The following SORCS2 variants were observed in gnomAD, a reference collection of about 807,000 sequenced individuals.
SORCS2 encodes the protein VPS10 domain-containing receptor SorCS2.
Under a neutral mutation model 141.6 loss-of-function variants are expected in SORCS2, and 100 were observed. The observed-to-expected ratio is 0.71, with a 90% confidence interval of 0.60 to 0.83. The LOEUF (loss-of-function observed/expected upper bound fraction) is 0.83, where lower values mean the gene tolerates loss of function less well. SORCS2 is among the 40% of genes least tolerant of loss of function. The probability of loss-of-function intolerance (pLI) is 0.00; values close to 1 mark genes in which losing one functional copy is unlikely to be tolerated. For missense variants in SORCS2, 1,646 were observed against 1,560.2 expected (o/e 1.05, Z -0.93); for synonymous variants, 789 against 676.9 (o/e 1.17, Z -2.57).
chr4:7,403,854 G>C (rs946950963), intron 2 of SORCS2, among the ~76,000 whole-genome samples: 10 of 148,750 alleles, frequency 6.7e-5, no homozygotes, highest in African/African-American at 2.2e-4. Flanking sequence ...TTCATCACCC[G>C]AATAATGTAC....
intron 1 of SORCS2, among the ~76,000 whole-genome samples, chr4:7,361,181 G>T (rs1721557549): frequency 6.6e-6 from 1 of 152,218 alleles, no homozygotes; most frequent in Non-Finnish European, 1.5e-5. Context: ...TAATTTGGAG[G>T]TAACTTCGTT....
intron 9 of SORCS2, among the ~76,000 whole-genome samples, chr4:7,677,015 T>C (rs1162562248): frequency 2.0e-5 from 3 of 148,620 alleles, no homozygotes; most frequent in Non-Finnish European, 4.5e-5. Context: ...TGTGTGAAGT[T>C]GGCCTCTCTC....
chr4:7,559,088 T>C (rs984844580), intron 3 of SORCS2, among the ~76,000 whole-genome samples: 2 of 152,204 alleles, frequency 1.3e-5, no homozygotes, highest in Admixed American at 6.5e-5. Context: ...CCCAGTACTC[T>C]GGCCCAGCCC....
chr4:7,199,657 C>T (rs371508636), intron 1 of SORCS2, among the ~76,000 whole-genome samples: 15 of 151,192 alleles, frequency 9.9e-5, no homozygotes, highest in East Asian at 9.7e-4. Flanking sequence ...TGCGTAGACC[C>T]GCTTCCCTGG....
chr4:7,565,138 A>G (rs572765327), intron 3 of SORCS2, among the ~76,000 whole-genome samples: 2 of 152,306 alleles, frequency 1.3e-5, no homozygotes, highest in Admixed American at 1.3e-4. Flanking sequence ...CCACTCGCTC[A>G]GGCTGCGTTT....
chr4:7,616,800 A>G (rs1718792304), intron 3 of SORCS2, among the ~76,000 whole-genome samples: 1 of 152,270 alleles, frequency 6.6e-6, no homozygotes, highest in South Asian at 2.1e-4. Flanking sequence ...CCATTTAATT[A>G]CTTGGTTTTA....
intron 2 of SORCS2, among the ~76,000 whole-genome samples, chr4:7,403,452 G>T (rs1724725162): frequency 6.6e-6 from 1 of 152,228 alleles, no homozygotes; most frequent in South Asian, 2.1e-4. Flanking sequence ...CCATGGTCAG[G>T]TTCAACCTCA....
At chr4:7,445,645 G>A (rs1256916837) in intron 2 of SORCS2, among the ~76,000 whole-genome samples, 1 of 152,170 alleles carries the variant, frequency 6.6e-6, no homozygotes, top group African/African-American at 2.4e-5. Flanking sequence ...AGGGAGGCCA[G>A]AGGAGGAGGC....
rs545089241 is a variant in SORCS2, at chr4:7,455,276, T to A, written c.548+58921T>A. ...TGGGGTCAGGCACTGTGTGTTGGGG[T>A]CAGGTGCTGTGTGTTGGGGTCAGGC... is the stretch of plus-strand genomic sequence containing the variant. On this transcript the variant is annotated intron_variant, in intron 2 of 26. Coordinates refer to ENST00000507866, the MANE Select transcript of SORCS2 (RefSeq NM_020777.3). Among the ~76,000 whole-genome samples the A allele has an allele frequency of 1.9e-3, 79 of 41,760 alleles. 6 individuals carry two copies. Among genetic ancestry groups the A allele is most frequent in the African/African-American group, 8.7e-3 (70 of 8,068 alleles). The allele number at this position is 41,760 out of a possible 152,430, so 27.4% of individuals were successfully genotyped here. A position where few individuals can be genotyped will look rare whatever the true frequency, so the allele number is the denominator to read the frequency against.
chr4:7,559,816 A>C (rs1714404216), intron 3 of SORCS2, among the ~76,000 whole-genome samples: 1 of 152,268 alleles, frequency 6.6e-6, no homozygotes, highest in Non-Finnish European at 1.5e-5. Flanking sequence ...ATAGCCCAGC[A>C]CAGGTGCCCA....
At chr4:7,385,976 T>G (rs1394369770) in intron 1 of SORCS2, among the ~76,000 whole-genome samples, 2 of 152,198 alleles carry the variant, frequency 1.3e-5, no homozygotes, top group Non-Finnish European at 2.9e-5. Context: ...TCCTCATGTT[T>G]TGGAGGCCAG....
chr4:7,196,585 C>G (rs1056697267), intron 1 of SORCS2, among the ~76,000 whole-genome samples: 1 of 151,966 alleles, frequency 6.6e-6, no homozygotes, highest in African/African-American at 2.4e-5. Context: ...CATTGTTCCC[C>G]GAGAAGATCA....
At chr4:7,640,374 G>T (rs556921119) in intron 4 of SORCS2, among the ~76,000 whole-genome samples, 36 of 149,532 alleles carry the variant, frequency 2.4e-4, no homozygotes, top group African/African-American at 8.0e-4. Flanking sequence ...ATGTGTGAAT[G>T]TACATGAGTG....
intron 3 of SORCS2, among the ~76,000 whole-genome samples, chr4:7,602,122 C>G (rs1717736358): frequency 6.6e-6 from 1 of 152,238 alleles, no homozygotes; most frequent in Admixed American, 6.5e-5. Context: ...CCCACACTTC[C>G]CCCACTTCCA....
chr4:7,422,127 A>C (rs773014930), intron 2 of SORCS2, among the ~76,000 whole-genome samples: 1 of 152,070 alleles, frequency 6.6e-6, no homozygotes, highest in African/African-American at 2.4e-5. Flanking sequence ...GTTAATCGTC[A>C]CCCACCTAAC....
rs1043421332 is a variant in SORCS2 at position 7,196,646 on chromosome 4, C to T, written c.480+3520C>T. On this transcript the variant is annotated intron_variant, in intron 1 of 26. Transcript: ENST00000507866. ...CCCCTCCCCTCCCCCTTCCCTCTCCCTCCCCTCCCTCTGCCCATTTTCCAA... is the reference window on the plus strand; with the variant it reads ...CCCCTCCCCTCCCCCTTCCCTCTCCTTCCCCTCCCTCTGCCCATTTTCCAA... Among the ~76,000 whole-genome samples the T allele has an allele frequency of 6.6e-4, 99 of 150,344 alleles. No individual in the cohort carries two copies. In the Middle Eastern group the frequency reaches 0.014, roughly 21 times the overall value.
At chr4:7,511,914 C>T (rs1162486452) in intron 2 of SORCS2, among the ~76,000 whole-genome samples, 2 of 152,208 alleles carry the variant, frequency 1.3e-5, no homozygotes. Flanking sequence ...TACCCAGGGC[C>T]CAAATCCCAC....
At chr4:7,518,678 G>T (rs1733138297) in intron 2 of SORCS2, among the ~76,000 whole-genome samples, 2 of 152,126 alleles carry the variant, frequency 1.3e-5, no homozygotes, top group African/African-American at 4.8e-5. Context: ...CCATTCACAG[G>T]AGGTGCTCGT....
Position 7,590,267 on chromosome 4 carries a change from G to A in SORCS2, c.649-48061G>A, listed in dbSNP as rs78995717. ...AATATGTGGCGGAAAATTATGCTCC[G>A]ATCCCTTCCTCTGGAAAGGGTTCAG... On this transcript the variant is annotated intron_variant, in intron 3 of 26. Transcript: ENST00000507866. 4.9e-3 allele frequency among the ~76,000 whole-genome samples: 750 copies of A among 152,288 alleles called. 11 individuals are homozygous for A. The highest frequency in any genetic ancestry group is 0.017 in the African/African-American group (686 of 41,542).
Sources: allele counts gnomAD v4.1 joint callset (sites outside exome capture counted in the v4.1 genomes callset), GRCh38; gene constraint gnomAD v4.1.1; transcripts MANE v1.5; gene names NCBI Gene and HGNC (gene_info 2026-07-23, HGNC 2026-07-21).